The following MAGI2 variants were observed in gnomAD, a reference collection of about 807,000 sequenced individuals.
The protein encoded by MAGI2 is membrane associated guanylate kinase, WW and PDZ domain containing 2.
A neutral mutation model predicts 133.3 loss-of-function variants in MAGI2; 35 were observed. The observed-to-expected ratio is 0.26, with a 90% CI of 0.20 to 0.35. MAGI2 has a LOEUF of 0.35. MAGI2 is among the 10% of genes least tolerant of loss of function. MAGI2 has a pLI of 1.00. For missense variants in MAGI2, 1,636 were observed against 1,863.4 expected, an observed-to-expected ratio of 0.88 and a Z score of 2.25; for synonymous variants, 729 against 710.6, an observed-to-expected ratio of 1.03 and a Z score of -0.41.
intron 2 of MAGI2, among the ~76,000 whole-genome samples, chr7:78,862,906 A>G (rs189102892): frequency 5.8e-4 from 89 of 152,382 alleles, no homozygotes; most frequent in Admixed American, 5.6e-3. Flanking sequence ...GCAAAGACAG[A>G]AAGGCAAAGT....
intron 3 of MAGI2, among the ~76,000 whole-genome samples, chr7:78,542,712 G>A (rs961196580): frequency 2.0e-5 from 3 of 152,204 alleles, no homozygotes; most frequent in Non-Finnish European, 4.4e-5. Flanking sequence ...AGCATAACAT[G>A]TAAGGGGAGG....
chr7:78,210,713 T>C (rs944125923), intron 10 of MAGI2, among the ~76,000 whole-genome samples: 2 of 152,188 alleles, frequency 1.3e-5, no homozygotes, highest in East Asian at 3.9e-4. Context: ...AGTGAAATCC[T>C]TGGATTTGTA....
intron 1 of MAGI2, among the ~76,000 whole-genome samples, chr7:79,162,604 C>T (rs1360134738): frequency 6.6e-6 from 1 of 152,010 alleles, no homozygotes; most frequent in Non-Finnish European, 1.5e-5. Flanking sequence ...GCATCCACTC[C>T]AACCATAAGG....
At chr7:78,697,965 G>A (rs888288300) in intron 2 of MAGI2, among the ~76,000 whole-genome samples, 1 of 152,056 alleles carries the variant, frequency 6.6e-6, no homozygotes, top group African/African-American at 2.4e-5. Flanking sequence ...ATGTGTACAA[G>A]TTCATTTCTT....
intron 2 of MAGI2, among the ~76,000 whole-genome samples, chr7:78,753,401 A>G (rs1823638769): frequency 6.6e-6 from 1 of 152,174 alleles, no homozygotes; most frequent in South Asian, 2.1e-4. Flanking sequence ...AGATTAATAA[A>G]AACCATCCAA....
At chr7:78,669,649 G>T (rs1814099798) in intron 2 of MAGI2, among the ~76,000 whole-genome samples, 1 of 152,148 alleles carries the variant, frequency 6.6e-6, no homozygotes, top group African/African-American at 2.4e-5. Context: ...TATCCTTGAT[G>T]AATATTGATG....
chr7:78,049,532 A>C (rs1811794764), intron 21 of MAGI2, among the ~76,000 whole-genome samples: 1 of 152,054 alleles, frequency 6.6e-6, no homozygotes, highest in Non-Finnish European at 1.5e-5. Flanking sequence ...CTCGGTAGTT[A>C]CTCTTGTAAT....
At chr7:78,138,625 T>TCACACATACACACACACACACACACA (rs1491145483) in intron 16 of MAGI2, among the ~76,000 whole-genome samples, 3 of 129,428 alleles carry the variant, frequency 2.3e-5, no homozygotes, top group East Asian at 2.3e-4. Flanking sequence ...AAACATAGAT[T>TCACACATACACACACACACACACACA]CACACACACA....
At chr7:79,445,010 G>T (rs1426474617) in intron 1 of MAGI2, among the ~76,000 whole-genome samples, 2 of 152,042 alleles carry the variant, frequency 1.3e-5, no homozygotes, top group Non-Finnish European at 2.9e-5. Context: ...AAATAATGCC[G>T]CATATCTACA....
At chr7:78,040,535 C>T (rs1810715234) in intron 21 of MAGI2, among the ~76,000 whole-genome samples, 3 of 152,200 alleles carry the variant, frequency 2.0e-5, no homozygotes, top group African/African-American at 7.2e-5. Context: ...CACACGGGTT[C>T]AGGTGGTGGT....
chr7:78,921,902 G>A (rs1337710048), intron 2 of MAGI2, among the ~76,000 whole-genome samples: 11 of 152,116 alleles, frequency 7.2e-5, no homozygotes, highest in African/African-American at 2.7e-4. Flanking sequence ...CCAAATTGCT[G>A]GGATTATAGG....
chr7:78,491,659 A>G (rs1793615362), intron 5 of MAGI2, among the ~76,000 whole-genome samples: 2 of 152,030 alleles, frequency 1.3e-5, no homozygotes, highest in Admixed American at 1.3e-4. Flanking sequence ...AGAAGGATAT[A>G]AAATATTGCA....
chr7:78,380,411 C>T (rs945557385), intron 6 of MAGI2, among the ~76,000 whole-genome samples: 1 of 151,924 alleles, frequency 6.6e-6, no homozygotes, highest in Non-Finnish European at 1.5e-5. Flanking sequence ...TACTATTCAA[C>T]CATAATAAGG....
At chr7:78,210,080 T>A (rs907162145) in intron 10 of MAGI2, among the ~76,000 whole-genome samples, 2 of 152,220 alleles carry the variant, frequency 1.3e-5, no homozygotes, top group African/African-American at 4.8e-5. Flanking sequence ...ATTTTTCCTT[T>A]ATATGGTTCT....
intron 2 of MAGI2, among the ~76,000 whole-genome samples, chr7:78,901,070 A>G: frequency 6.6e-6 from 1 of 152,220 alleles, no homozygotes; most frequent in East Asian, 1.9e-4. Flanking sequence ...GTTAAGATTC[A>G]GCAGCATTAT....
intron 2 of MAGI2, among the ~76,000 whole-genome samples, chr7:78,735,138 A>ATG (rs1585234644): frequency 6.6e-6 from 1 of 152,292 alleles, no homozygotes. Context: ...TTATCTTTCC[A>ATG]TGTGTGTACA....
chr7:78,843,502 G>A (rs1792320227), intron 2 of MAGI2, among the ~76,000 whole-genome samples: 1 of 151,720 alleles, frequency 6.6e-6, no homozygotes. Context: ...GTGATTGTAT[G>A]AAATTTAGAA....
chr7:78,938,411 G>T lies in MAGI2; in HGVS notation c.418+68679C>A, dbSNP rs185991486. 7.9e-5 allele frequency among the ~76,000 whole-genome samples: 12 copies of T among 152,118 alleles called. No homozygotes were observed. In the East Asian group the frequency reaches 2.1e-3, roughly 27 times the overall value. Reference sequence around the variant, plus strand: ...AAAAAAAAATTAGGATTCAGAATTAGTTATGTAGTATGTCCTATCTATGAT... The same window carrying T: ...AAAAAAAAATTAGGATTCAGAATTATTTATGTAGTATGTCCTATCTATGAT... On this transcript the variant is annotated intron_variant, in intron 2 of 21. Coordinates refer to ENST00000354212, the MANE Select transcript of MAGI2 (RefSeq NM_012301.4).
chr7:79,013,409 C>A (rs1808379190), intron 1 of MAGI2, among the ~76,000 whole-genome samples: 2 of 152,044 alleles, frequency 1.3e-5, no homozygotes, highest in African/African-American at 2.4e-5. Context: ...GGAAATCTAC[C>A]CATATGCTGT....
Sources: gnomAD v4.1 joint callset for allele counts (sites outside exome capture counted in the v4.1 genomes callset) on GRCh38, gnomAD v4.1.1 for gene constraint, MANE v1.5 for transcripts, NCBI Gene and HGNC (gene_info 2026-07-23, HGNC 2026-07-21) for gene names.